CHD8: variants seen among roughly 807,000 people sequenced by gnomAD.
The protein encoded by CHD8 is ATP-dependent chromatin remodeler CHD8.
In CHD8, 31 loss-of-function variants were observed where a neutral mutation model predicts 279.2. The ratio of observed to expected loss-of-function variants is 0.11; its 90% CI spans 0.08 to 0.15. The LOEUF is 0.15. Ranked by LOEUF, CHD8 falls within the 10% of genes least tolerant of loss-of-function variation. The pLI is 1.00. For synonymous variants in CHD8, 1,081 were observed against 1,139.6 expected, an observed-to-expected ratio of 0.95 and a Z score of 1.04; for missense variants, 2,146 against 3,230.5, an observed-to-expected ratio of 0.66 and a Z score of 8.14.
intron 5 of CHD8, among the ~76,000 whole-genome samples, chr14:21,423,016 G>C (rs752861586): frequency 2.0e-5 from 3 of 152,148 alleles, no homozygotes; most frequent in Admixed American, 6.5e-5. Flanking sequence ...GAGGTCAGGA[G>C]TTTGAGATCA....
At chr14:21,455,011 C>T (rs779942653) in intron 1 of CHD8, 1 of 152,222 alleles carries the variant, frequency 6.6e-6, no homozygotes, top group Non-Finnish European at 1.5e-5. Context: ...GGCTGAGAAT[C>T]CTTGACTGAG....
chr14:21,432,880 T>C (rs1889622504), intron 1 of CHD8, among the ~76,000 whole-genome samples: 1 of 152,204 alleles, frequency 6.6e-6, no homozygotes. Flanking sequence ...AAGTCTGTAA[T>C]ATATCCTCTG....
chr14:21,388,011 C>G (rs1887350932), intron 37 of CHD8, among the ~76,000 whole-genome samples: 2 of 152,180 alleles, frequency 1.3e-5, no homozygotes, highest in East Asian at 1.9e-4. Flanking sequence ...CATTAGCCTT[C>G]TAGCCACCAG....
intron 29 of CHD8, 76 bp from the exon 30 acceptor site, chr14:21,395,195 A>G (rs1292658578): frequency 1.3e-6 from 2 of 1,537,218 alleles, no homozygotes; most frequent in Non-Finnish European, 1.8e-6. Flanking sequence ...TAACCCACCC[A>G]AAGGCAAAGC....
chr14:21,434,079 CTT>C (rs1332246746), intron 1 of CHD8, among the ~76,000 whole-genome samples: 9 of 137,290 alleles, frequency 6.6e-5, no homozygotes, highest in East Asian at 4.5e-4. Context: ...GAGTTTCACT[CTT>C]GTCGCCCAGG....
intron 7 of CHD8, 68 bp downstream of exon 7, chr14:21,415,506 A>T (rs557936671): frequency 2.5e-6 from 2 of 807,902 alleles, no homozygotes; most frequent in Admixed American, 4.3e-5. Context: ...CTCTATTTCA[A>T]AAATAAATAA....
At chr14:21,415,945 C>G in intron 5 of CHD8, 38 bp from the exon 6 acceptor site, 1 of 1,545,778 alleles carries the variant, frequency 6.5e-7, no homozygotes, top group Non-Finnish European at 8.8e-7. Context: ...CTAGTTAGGT[C>G]TCTCACAGAG....
At chr14:21,437,347 A>G in intron 1 of CHD8, 1 of 921,370 alleles carries the variant, frequency 1.1e-6, no homozygotes, top group South Asian at 2.2e-5. Context: ...AAAGACGCAA[A>G]ACAGCGCAAA....
chr14:21,424,626 A>C (rs1027504124), intron 5 of CHD8, among the ~76,000 whole-genome samples: 10 of 151,836 alleles, frequency 6.6e-5, no homozygotes, highest in African/African-American at 2.2e-4. Context: ...GCCCACCACC[A>C]CGCCCGGCTA....
intron 10 of CHD8, 79 bp from the exon 11 acceptor site, chr14:21,410,067 A>T (rs1888421531): frequency 7.2e-7 from 1 of 1,386,998 alleles, no homozygotes; most frequent in Non-Finnish European, 9.7e-7. Context: ...ATTTGATTGT[A>T]AAATCAGATC....
chr14:21,450,282 T>C (rs1890226065), intron 1 of CHD8, among the ~76,000 whole-genome samples: 1 of 152,192 alleles, frequency 6.6e-6, no homozygotes, highest in Non-Finnish European at 1.5e-5. Context: ...AGCCAAACTA[T>C]AGAAATCACT....
chr14:21,394,155 C>G lies in CHD8; in HGVS notation c.5640G>C (p.Glu1880Asp). 4.4e-6 allele frequency: 7 copies of G among 1,608,310 alleles called. No homozygotes were observed. The highest frequency in any genetic ancestry group is 6.0e-6 in the Non-Finnish European group (7 of 1,176,066). Residue 1880 changes from glutamate (E) to aspartate (D), a missense_variant, in exon 32 of 38, where the codon GAG (glutamate) becomes GAC (aspartate). Physicochemically the swap from Glu to Asp is conservative, Grantham distance 45. Around this residue, in one of 26 missense-constraint regions of CHD8, gnomAD observed 513 missense variants for 637.6 expected, o/e 0.80. Transcript: ENST00000646647. ...DPNLFIEPIT[E>D]ERASRTLYRI... is the part of the protein sequence containing the mutation. ...GGTAGAGAGTCCGTGAGGCTCTCTC[C>G]TCAGTGATGGGCTCAATGAACAGGT...
rs1027667558 is a variant in CHD8 at position 21,408,598 on chromosome 14, A to G, written c.2487-43T>C. On this transcript the variant is annotated intron_variant, in intron 12 of 37. Transcript: ENST00000646647. The surrounding 1 kb of genome is among the most constrained non-coding windows in gnomAD (Gnocchi z 4.3). ...GAAAAAAAAAATGTTAAAAGATACT[A>G]TCTTTAAAAAAAATAGAGTATGTAG... is the stretch of plus-strand genomic sequence containing the variant. 4.4e-5 allele frequency: 69 copies of G among 1,576,844 alleles called. No individual in the cohort carries two copies. Among genetic ancestry groups the G allele is most frequent in the Non-Finnish European group, 5.7e-5 (66 of 1,162,694 alleles).
chr14:21,405,038 C>T lies in CHD8; in HGVS notation c.3307+171G>A, dbSNP rs1240485346. ...GTAGAGGTGGGATTTCATCATGTTG[C>T]CCAGGCTTAGAGTCTCTTTTTTAAA... On this transcript the variant is annotated intron_variant, in intron 16 of 37. Transcript: ENST00000646647. The surrounding 1 kb of genome is among the most constrained non-coding windows in gnomAD (Gnocchi z 4.2). 7.9e-6 allele frequency: 5 copies of T among 630,508 alleles called. No individual in the cohort carries two copies. Among genetic ancestry groups the T allele is most frequent in the African/African-American group, 5.5e-5 (3 of 54,328 alleles). 39.1% of individuals were successfully genotyped at this position (630,508 alleles called of 1,614,324 possible).
At position 21,394,211 on chromosome 14, in the gene CHD8, G is replaced by A. The variant is rs1359493864; in HGVS notation, c.5600-16C>T. On this transcript the variant is annotated splice_polypyrimidine_tract_variant and intron_variant, in intron 31 of 37. Coordinates refer to ENST00000646647, the MANE Select transcript of CHD8 (RefSeq NM_001170629.2). Reference sequence around the variant, plus strand: ...TCGGGGGGTTCTGCAAGAGACAGGAGTAGAAGAAATTAACAGAGTTGCTTC... The same window carrying A: ...TCGGGGGGTTCTGCAAGAGACAGGAATAGAAGAAATTAACAGAGTTGCTTC... The A allele has an allele frequency of 6.2e-7, 1 of 1,610,352 alleles. No individual in the cohort carries two copies. Among genetic ancestry groups the A allele is most frequent in the South Asian group, 1.1e-5 (1 of 90,966 alleles).
chr14:21,390,266 A>G (rs918658055), intron 37 of CHD8, among the ~76,000 whole-genome samples: 8 of 152,194 alleles, frequency 5.3e-5, no homozygotes, highest in African/African-American at 1.9e-4. Flanking sequence ...AAATTGCTTT[A>G]AAACCCTCAC....
At chr14:21,454,990 A>G (rs1004471394) in intron 1 of CHD8, 6 of 152,224 alleles carry the variant, frequency 3.9e-5, no homozygotes, top group African/African-American at 1.4e-4. Flanking sequence ...ACTTCAGCAT[A>G]TGCTAACCTA....
At position 21,403,609 on chromosome 14, in the gene CHD8, T is replaced by C. The variant is rs751160390; in HGVS notation, c.3362A>G (p.His1121Arg). 14 of 1,609,720 alleles carry C rather than the reference T, an allele frequency of 8.7e-6. No individual in the cohort carries two copies. The South Asian group carries it at 1.4e-4, about 17-fold the overall frequency. The change falls in exon 17 of 38, where the codon CAT becomes CGT. Residue 1121 changes from histidine (H) to arginine (R), a missense_variant. Transcript: ENST00000646647. The surrounding 1 kb of genome is among the most constrained non-coding windows in gnomAD (Gnocchi z 4.3). Reference protein sequence around the residue: ...EFREACHIIPHDFHLQAMVRS... With the variant: ...EFREACHIIPRDFHLQAMVRS... ...AACCATGGCCTGCAGGTGAAAGTCA[T>C]GAGGTATAATATGGCAAGCTTCACG...
Position 21,393,139 on chromosome 14 carries a change from C to G in CHD8, c.6435G>C (p.Leu2145=). 1 of 1,613,930 alleles carries G rather than the reference C, an allele frequency of 6.2e-7. No homozygotes were observed. Among genetic ancestry groups the G allele is most frequent in the Non-Finnish European group, 8.5e-7 (1 of 1,179,882 alleles). The change falls in exon 33 of 38, where the codon CTG becomes CTC. Residue 2145 remains leucine (L), a synonymous_variant. Transcript: ENST00000646647. ...GEQMTPELLL[L]QERQRASEWP... ...ACTCAGAGGCTCTTTGTCTTTCCTGCAGTAGCAGAAGCTCAGGGGTCATTT... is the reference window on the plus strand; with the variant it reads ...ACTCAGAGGCTCTTTGTCTTTCCTGGAGTAGCAGAAGCTCAGGGGTCATTT...
Sources: gnomAD v4.1 joint callset for allele counts (sites outside exome capture counted in the v4.1 genomes callset) on GRCh38, gnomAD v4.1.1 for gene constraint, gnomAD v4.1.1 regional missense constraint, Gnocchi (gnomAD v3.1) non-coding constraint, MANE v1.5 for transcripts, NCBI Gene and HGNC (gene_info 2026-07-23, HGNC 2026-07-21) for gene names.